KCNU1: variants seen among roughly 807,000 people sequenced by gnomAD.
KCNU1 encodes the protein potassium calcium-activated channel subfamily U member 1, also known as potassium channel subfamily U member 1.
KCNU1 carries 93 observed loss-of-function variants against 126.8 expected under a neutral mutation model. The observed-to-expected ratio is 0.73, with a 90% CI of 0.62 to 0.87. KCNU1 has a LOEUF of 0.87. KCNU1 is among the 40% of genes least tolerant of loss of function. KCNU1 has a pLI of 0.00. For missense variants in KCNU1, 1,330 were observed against 1,367.1 expected, an observed-to-expected ratio of 0.97 and a Z score of 0.43; for synonymous variants, 523 against 494.2, an observed-to-expected ratio of 1.06 and a Z score of -0.77.
intron 19 of KCNU1, among the ~76,000 whole-genome samples, chr8:36,872,943 C>T (rs1806154649): frequency 6.6e-6 from 1 of 152,036 alleles, no homozygotes; most frequent in Non-Finnish European, 1.5e-5. Flanking sequence ...CATGGTGAAA[C>T]CCCGTCACGC....
In KCNU1 at chr8:36,909,352, T is replaced by C; in HGVS notation, c.2148T>C (p.Ile716=). 6.2e-7 allele frequency: 1 copy of C among 1,613,750 alleles called. No homozygotes were observed. Among genetic ancestry groups the C allele is most frequent in the South Asian group, 1.1e-5 (1 of 91,076 alleles). ...CAAAGTATAAGTTTCGGAACCATAT[T>C]GTAGCATGTGTATTTGGAGATGCCC... ...GKSKYKFRNH[I]VACVFGDAHS... The change falls in exon 21 of 27, where the codon ATT becomes ATC. Residue 716 remains isoleucine (I), a synonymous_variant. Transcript: ENST00000399881.
chr8:36,840,037 T>G (rs1466795201), intron 14 of KCNU1, among the ~76,000 whole-genome samples: 1 of 152,248 alleles, frequency 6.6e-6, no homozygotes, highest in East Asian at 1.9e-4. Flanking sequence ...GAATATTTTC[T>G]TCTTTGAGAT....
chr8:36,876,068 G>T (rs951948888), intron 19 of KCNU1, among the ~76,000 whole-genome samples: 8 of 152,122 alleles, frequency 5.3e-5, no homozygotes, highest in African/African-American at 1.9e-4. Context: ...TTAGGGCCAG[G>T]TCAAGTATCT....
At chr8:36,884,363 G>GAA (rs1263978338) in intron 19 of KCNU1, among the ~76,000 whole-genome samples, 2 of 152,164 alleles carry the variant, frequency 1.3e-5, no homozygotes, top group African/African-American at 4.8e-5. Context: ...AATGACCCGT[G>GAA]AAGCAAATGT....
chr8:36,805,594 G>A (rs542785158), intron 4 of KCNU1, among the ~76,000 whole-genome samples: 98 of 152,230 alleles, frequency 6.4e-4, no homozygotes, highest in African/African-American at 2.3e-3. Flanking sequence ...CAGAACTTGA[G>A]TAGCAAGTCT....
chr8:36,919,428 CAAAAAA>C (rs10699066), intron 23 of KCNU1, among the ~76,000 whole-genome samples: 1 of 109,478 alleles, frequency 9.1e-6, no homozygotes, highest in East Asian at 2.8e-4. Context: ...CTAAAATAGG[CAAAAAA>C]AAAAAAAAAA....
chr8:36,840,971 C>A lies in KCNU1; in HGVS notation c.1671C>A (p.Ile557=). The A allele has an allele frequency of 1.2e-6, 2 of 1,611,466 alleles. No homozygotes were observed. Among genetic ancestry groups the A allele is most frequent in the South Asian group, 1.1e-5 (1 of 91,010 alleles). The change falls in exon 16 of 27, where the codon ATC becomes ATA. Residue 557 remains isoleucine, a synonymous_variant. Coordinates refer to ENST00000399881, the MANE Select transcript of KCNU1 (RefSeq NM_001031836.3). ...FLKMHLLLIA[I]EYKSLFTDGF... ...AGATGCACCTCCTGTTGATAGCCATCGAATACAAGTCCCTCTTTACGGATG... is the reference window on the plus strand; with the variant it reads ...AGATGCACCTCCTGTTGATAGCCATAGAATACAAGTCCCTCTTTACGGATG...
chr8:36,898,733 T>C (rs2117477820), intron 19 of KCNU1, among the ~76,000 whole-genome samples: 1 of 152,216 alleles, frequency 6.6e-6, no homozygotes, highest in African/African-American at 2.4e-5. Context: ...GGGAAGTATT[T>C]TTTATTTAGA....
Position 36,845,644 on chromosome 8 carries a change from G to T in KCNU1, c.1768G>T (p.Ala590Ser). 6.2e-7 allele frequency: 1 copy of T among 1,609,570 alleles called. No homozygotes were observed. Among genetic ancestry groups the T allele is most frequent in the Non-Finnish European group, 8.5e-7 (1 of 1,175,940 alleles). Reference protein sequence around the residue: ...IRKNTLGFFIAETPKDVRRAL... With the variant: ...IRKNTLGFFISETPKDVRRAL... ...TAAGAACACATTAGGGTTCTTTATTGCTGAAACTCCAAAGGACGTCAGAAG... is the reference window on the plus strand; with the variant it reads ...TAAGAACACATTAGGGTTCTTTATTTCTGAAACTCCAAAGGACGTCAGAAG... Residue 590 changes from alanine (A) to serine (S), a missense_variant, in exon 17 of 27, where the codon GCT (alanine) becomes TCT (serine). Physicochemically the swap from Ala to Ser is moderately conservative, Grantham distance 99. This residue lies in a region of KCNU1 where 1,054 missense variants were observed against 1,053.9 expected (regional missense o/e 1.00). Coordinates refer to ENST00000399881, the MANE Select transcript of KCNU1 (RefSeq NM_001031836.3).
chr8:36,898,571 G>GA (rs1807290171), intron 19 of KCNU1, among the ~76,000 whole-genome samples: 1 of 149,440 alleles, frequency 6.7e-6, no homozygotes, highest in Admixed American at 6.6e-5. Flanking sequence ...CACCAAAAAG[G>GA]AAAAAAGAAA....
At chr8:36,811,344 C>T (rs1039729392) in intron 7 of KCNU1, among the ~76,000 whole-genome samples, 9 of 151,950 alleles carry the variant, frequency 5.9e-5, no homozygotes, top group South Asian at 4.2e-4. Flanking sequence ...CAGTTACGGA[C>T]GTCCTGGGAT....
At chr8:36,803,023 G>A (rs1292857022) in intron 2 of KCNU1, among the ~76,000 whole-genome samples, 1 of 152,122 alleles carries the variant, frequency 6.6e-6, no homozygotes, top group Non-Finnish European at 1.5e-5. Flanking sequence ...GAGAGCCGCA[G>A]GGTGTGAGCA....
At chr8:36,813,361 A>G (rs1432981643) in intron 7 of KCNU1, among the ~76,000 whole-genome samples, 1 of 152,064 alleles carries the variant, frequency 6.6e-6, no homozygotes, top group Admixed American at 6.6e-5. Flanking sequence ...CATCTCTAAG[A>G]TTTTATCATC....
chr8:36,811,117 T>C (rs1392765310), intron 7 of KCNU1, among the ~76,000 whole-genome samples: 1 of 151,980 alleles, frequency 6.6e-6, no homozygotes, highest in Non-Finnish European at 1.5e-5. Flanking sequence ...AATCTTGACA[T>C]GGAAAATAAA....
chr8:36,887,522 C>A lies in KCNU1; in HGVS notation c.2010-18186C>A, dbSNP rs145482979. Among the ~76,000 whole-genome samples, 5 of 146,438 alleles carry A rather than the reference C, an allele frequency of 3.4e-5. No homozygotes were observed. The Admixed American group carries it at 3.5e-4, about 10-fold the overall frequency. On this transcript the variant is annotated intron_variant, in intron 19 of 26. Transcript: ENST00000399881. The stretch of plus-strand genomic sequence containing the variant: ...CAACTAGGCCCTAAACATCAAAATG[C>A]CTTTTCAGGGCATGAAGGCATGTAA...
intron 10 of KCNU1, among the ~76,000 whole-genome samples, chr8:36,820,773 G>A (rs888377207): frequency 6.6e-6 from 1 of 152,008 alleles, no homozygotes; most frequent in African/African-American, 2.4e-5. Flanking sequence ...TGACTTCAAG[G>A]TCAAAATTGA....
At chr8:36,916,450 C>T (rs775156376) in intron 22 of KCNU1, among the ~76,000 whole-genome samples, 4 of 144,172 alleles carry the variant, frequency 2.8e-5, no homozygotes, top group Non-Finnish European at 4.6e-5. Flanking sequence ...AAAAAGGGAA[C>T]GAAAGGAGGG....
intron 5 of KCNU1, 27 bp downstream of exon 5, chr8:36,806,407 A>C: frequency 1.8e-6 from 2 of 1,097,036 alleles, no homozygotes; most frequent in Non-Finnish European, 2.7e-6. Flanking sequence ...AACGGGTAGC[A>C]ATATCTATGA....
chr8:36,825,609 G>A (rs1164746039), intron 10 of KCNU1, among the ~76,000 whole-genome samples: 1 of 152,108 alleles, frequency 6.6e-6, no homozygotes, highest in Non-Finnish European at 1.5e-5. Context: ...ATGGTGCAGT[G>A]GAGAAGTCTA....
Sources: allele counts gnomAD v4.1 joint callset (sites outside exome capture counted in the v4.1 genomes callset), GRCh38; gene constraint gnomAD v4.1.1; regional missense constraint gnomAD v4.1.1; transcripts MANE v1.5; gene names NCBI Gene and HGNC (gene_info 2026-07-23, HGNC 2026-07-21).